Variants in TMEM214 observed in about 807,000 individuals in gnomAD.
TMEM214 encodes transmembrane protein 214.
In TMEM214, 71 loss-of-function variants were observed where a neutral mutation model predicts 89.8. The observed-to-expected ratio is 0.79, with a 90% confidence interval of 0.65 to 0.96. The LOEUF (loss-of-function observed/expected upper bound fraction) is 0.96, where lower values mean the gene tolerates loss of function less well. Ranked by LOEUF, TMEM214 falls within the 40% of genes least tolerant of loss-of-function variation. The pLI is 0.00. For synonymous variants in TMEM214, 332 were observed against 349.5 expected (o/e 0.95, Z 0.56); for missense variants, 754 against 843.4 (o/e 0.89, Z 1.31).
rs1458956529 is a variant in TMEM214, at chr2:27,039,701, C to T, written c.1526-40C>T. ...AGTGTCTGTCTCCCCAGTCCCTGCC[C>T]CTCTCACCTCCCAGCTCACCAGAGG... On this transcript the variant is annotated intron_variant, in intron 13 of 16. Transcript: ENST00000238788. 6 of 1,558,816 alleles carry T rather than the reference C, an allele frequency of 3.8e-6. No individual in the cohort carries two copies. The African/African-American group carries it at 8.1e-5, about 21-fold the overall frequency.
intron 7 of TMEM214, 138 bp downstream of exon 7, chr2:27,036,924 A>G: frequency 9.0e-7 from 1 of 1,115,414 alleles, no homozygotes; most frequent in South Asian, 1.3e-5. Context: ...TTAGAATGTG[A>G]TGGTGAGGAA....
At chr2:27,033,665 G>T (rs935034363) in intron 1 of TMEM214, among the ~76,000 whole-genome samples, 4 of 152,196 alleles carry the variant, frequency 2.6e-5, no homozygotes, top group African/African-American at 9.7e-5. Flanking sequence ...GAGGAGTGGA[G>T]AAAGATTGCC....
Position 27,037,112 on chromosome 2 carries a change from T to C in TMEM214, c.944T>C (p.Ile315Thr), listed in dbSNP as rs1361987214. Residue 315 changes from isoleucine to threonine, a missense_variant, in exon 8 of 17, where the codon ATT becomes ACT. Ile to Thr is a moderately conservative substitution (Grantham distance 89). Transcript: ENST00000238788. The stretch of plus-strand genomic sequence containing the variant: ...AACCTTACCAAGGGCTTCGGCATGA[T>C]TGGCCCCAAGGACTTCTTCCCACTT... ...HPNLTKGFGM[I>T]GPKDFFPLLD... 2.2e-5 allele frequency: 35 copies of C among 1,614,070 alleles called. No individual in the cohort carries two copies. Among genetic ancestry groups the C allele is most frequent in the Non-Finnish European group, 2.9e-5 (34 of 1,180,006 alleles).
intron 2 of TMEM214, 29 bp from the exon 3 acceptor site, chr2:27,035,106 G>GT (rs753837310): frequency 1.2e-6 from 2 of 1,611,628 alleles, no homozygotes; most frequent in Non-Finnish European, 1.7e-6. Flanking sequence ...ACTCGCCATG[G>GT]TGGGGGGTTG....
Position 27,040,017 on chromosome 2 carries a change from C to G in TMEM214, c.1623-13C>G. On this transcript the variant is annotated splice_polypyrimidine_tract_variant and intron_variant, in intron 14 of 16. Transcript: ENST00000238788. ...GACTCAGAGCCCTCTTCCCCCACTT[C>G]CATCTTCCACAGCTGGCTGGGGGAG... The G allele has an allele frequency of 6.2e-7, 1 of 1,600,560 alleles. No individual in the cohort carries two copies.
In TMEM214 at chr2:27,041,245, C is replaced by G. The variant is rs1667820810; in HGVS notation, c.*408C>G. On this transcript the variant is annotated 3_prime_UTR_variant, in exon 17 of 17. Coordinates refer to ENST00000238788, the MANE Select transcript of TMEM214 (RefSeq NM_017727.5). ...GACAAATGATTCCTGCTTCTCCAGA[C>G]TTTAGCAGCCTCCTGTTCCCATTCT... 5.5e-6 allele frequency: 1 copy of G among 180,396 alleles called. No homozygotes were observed. Among genetic ancestry groups the G allele is most frequent in the Non-Finnish European group, 1.2e-5 (1 of 82,936 alleles). 11.2% of individuals were successfully genotyped at this position (180,396 alleles called of 1,614,324 possible).
chr2:27,033,834 A>T (rs1667436110), intron 1 of TMEM214, among the ~76,000 whole-genome samples: 1 of 152,040 alleles, frequency 6.6e-6, no homozygotes, highest in South Asian at 2.1e-4. Flanking sequence ...GATTTGTCTA[A>T]TGAAGAACTG....
rs982166338 is a variant in TMEM214, at chr2:27,033,184, C to T, written c.151+18C>T. ...CCTGACCCGTGAGTACCCGCCCTGCCCCGCCGCCTACCCCAGGCCTGTCCG... is the reference window on the plus strand; with the variant it reads ...CCTGACCCGTGAGTACCCGCCCTGCTCCGCCGCCTACCCCAGGCCTGTCCG... On this transcript the variant is annotated intron_variant, in intron 1 of 16. Transcript: ENST00000238788. 60 of 1,247,232 alleles carry T rather than the reference C, an allele frequency of 4.8e-5. No individual in the cohort carries two copies. In the African/African-American group the frequency reaches 6.5e-4, roughly 14 times the overall value. 77.3% of individuals were successfully genotyped at this position (1,247,232 alleles called of 1,614,324 possible).
At chr2:27,037,746 G>T in intron 9 of TMEM214, 44 bp downstream of exon 9, 1 of 1,614,036 alleles carries the variant, frequency 6.2e-7, no homozygotes, top group Non-Finnish European at 8.5e-7. Context: ...CCAGGGGTCA[G>T]CTGTAGCGGT....
chr2:27,037,855 AC>A, intron 9 of TMEM214, 153 bp downstream of exon 9: 1 of 1,563,190 alleles, frequency 6.4e-7, no homozygotes, highest in Non-Finnish European at 8.7e-7. Context: ...CTCGAGCTTC[AC>A]CCTCAGAAGA....
Position 27,038,624 on chromosome 2 carries a change from G to A in TMEM214, c.1294-78G>A. ...TCAGCCACTGTCCCTTCCCTGAGAA[G>A]GGACCCTGTTGGCATGGAAAATGAA... On this transcript the variant is annotated intron_variant, in intron 11 of 16. Transcript: ENST00000238788. The surrounding 1 kb of genome is among the most constrained non-coding windows in gnomAD (Gnocchi z 4.4). The A allele has an allele frequency of 1.2e-6, 2 of 1,605,572 alleles. No homozygotes were observed. The highest frequency in any genetic ancestry group is 1.3e-5 in the African/African-American group (1 of 74,820).
chr2:27,040,621 G>A, intron 16 of TMEM214, 90 bp from the exon 17 acceptor site: 1 of 1,588,880 alleles, frequency 6.3e-7, no homozygotes, highest in Middle Eastern at 1.7e-4. Flanking sequence ...TGGCCACCCT[G>A]GGATGAGGGT....
intron 13 of TMEM214, chr2:27,039,382 T>C (rs746416031): frequency 2.0e-4 from 118 of 593,394 alleles, no homozygotes; most frequent in Non-Finnish European, 3.2e-4. Context: ...TGCATATTCA[T>C]AGTATCATTT....
At chr2:27,039,355 C>T (rs1667718628) in intron 13 of TMEM214, 191 bp downstream of exon 13, 11 of 604,026 alleles carry the variant, frequency 1.8e-5, no homozygotes, top group East Asian at 8.3e-5. Flanking sequence ...ACTAGGACTT[C>T]GCAGTATAGA....
intron 7 of TMEM214, 102 bp downstream of exon 7, chr2:27,036,888 A>G: frequency 7.7e-7 from 1 of 1,292,636 alleles, no homozygotes; most frequent in Non-Finnish European, 1.1e-6. Context: ...ATATGAGGAA[A>G]ATCAGGACCA....
At chr2:27,034,625 T>TA (rs1483361021) in intron 2 of TMEM214, 1 of 236,122 alleles carries the variant, frequency 4.2e-6, no homozygotes, top group African/African-American at 2.4e-5. Flanking sequence ...TTTTTTGAGT[T>TA]AGAGTCTCCC....
chr2:27,037,734 C>T lies in TMEM214; in HGVS notation c.1152+32C>T, dbSNP rs748045247. 3 of 1,614,072 alleles carry T rather than the reference C, an allele frequency of 1.9e-6. No individual in the cohort carries two copies. In the South Asian group the frequency reaches 3.3e-5, roughly 18 times the overall value. Reference sequence around the variant, plus strand: ...ATATGGTGGGAGGCTTTTTCTCCTTCCCCAGGGGTCAGCTGTAGCGGTCCC... The same window carrying T: ...ATATGGTGGGAGGCTTTTTCTCCTTTCCCAGGGGTCAGCTGTAGCGGTCCC... On this transcript the variant is annotated intron_variant, in intron 9 of 16. Coordinates refer to ENST00000238788, the MANE Select transcript of TMEM214 (RefSeq NM_017727.5).
intron 2 of TMEM214, among the ~76,000 whole-genome samples, chr2:27,034,786 G>A (rs553898140): frequency 7.2e-5 from 11 of 152,078 alleles, no homozygotes; most frequent in South Asian, 4.2e-4. Flanking sequence ...GTTTCACTAC[G>A]TTGGCCAGGC....
rs1291407492 is a variant in TMEM214 at position 27,035,581 on chromosome 2, C to A, written c.503-13C>A. On this transcript the variant is annotated splice_polypyrimidine_tract_variant and intron_variant, in intron 3 of 16. Coordinates refer to ENST00000238788, the MANE Select transcript of TMEM214 (RefSeq NM_017727.5). Reference sequence around the variant, plus strand: ...CTGGTCCTAGCACTCACATTGAGGCCTATGGGCCTTAGATTATCCCTACAG... The same window carrying A: ...CTGGTCCTAGCACTCACATTGAGGCATATGGGCCTTAGATTATCCCTACAG... 1 of 1,614,078 alleles carries A rather than the reference C, an allele frequency of 6.2e-7. No homozygotes were observed.
Sources: gnomAD v4.1 joint callset for allele counts (sites outside exome capture counted in the v4.1 genomes callset) on GRCh38, gnomAD v4.1.1 for gene constraint, Gnocchi (gnomAD v3.1) non-coding constraint, MANE v1.5 for transcripts, NCBI Gene and HGNC (gene_info 2026-07-23, HGNC 2026-07-21) for gene names.